PABPC4L: variants seen among roughly 807,000 people sequenced by gnomAD.
PABPC4L encodes poly(A) binding protein cytoplasmic 4 like.
For synonymous variants in PABPC4L, 169 were observed against 164.1 expected (o/e 1.03, Z -0.23); for missense variants, 452 against 451.4 (o/e 1.00, Z -0.01).
chr4:134,107,638 T>C, the PABPC4L span, among the ~76,000 whole-genome samples: 2 of 151,628 alleles, frequency 1.3e-5, no homozygotes, highest in African/African-American at 4.8e-5. Flanking sequence ...ATAGAACCTA[T>C]CTAACTTCTG....
the PABPC4L span, among the ~76,000 whole-genome samples, chr4:134,014,942 G>T: frequency 6.6e-6 from 1 of 151,882 alleles, no homozygotes; most frequent in Admixed American, 6.6e-5. Flanking sequence ...ATTAGGCTGA[G>T]ACACTTTATC....
At chr4:133,971,557 A>G in the PABPC4L span, among the ~76,000 whole-genome samples, 1 of 152,160 alleles carries the variant, frequency 6.6e-6, no homozygotes, top group Non-Finnish European at 1.5e-5. Flanking sequence ...CAATGCAGCC[A>G]AAGTAATTTT....
At chr4:134,078,598 CATTA>C in the PABPC4L span, among the ~76,000 whole-genome samples, 1 of 150,360 alleles carries the variant, frequency 6.7e-6, no homozygotes, top group Non-Finnish European at 1.5e-5. Flanking sequence ...GGAAAATACT[CATTA>C]TAGTCCTAGA....
the PABPC4L span, among the ~76,000 whole-genome samples, chr4:134,105,172 C>A: frequency 6.6e-6 from 1 of 151,488 alleles, no homozygotes; most frequent in Non-Finnish European, 1.5e-5. Context: ...TAGTGAAAAT[C>A]AAATGCAAAT....
the PABPC4L span, among the ~76,000 whole-genome samples, chr4:134,162,328 T>C: frequency 1.3e-5 from 2 of 152,058 alleles, no homozygotes; most frequent in Non-Finnish European, 2.9e-5. Flanking sequence ...ATCCTAAATA[T>C]ATATGCACCT....
the PABPC4L span, among the ~76,000 whole-genome samples, chr4:134,095,082 G>A: frequency 2.6e-5 from 4 of 151,692 alleles, no homozygotes; most frequent in Admixed American, 2.6e-4. Context: ...TTACAGAACA[G>A]ATTGTTCTTA....
At chr4:134,084,413 T>G in the PABPC4L span, among the ~76,000 whole-genome samples, 1 of 152,304 alleles carries the variant, frequency 6.6e-6, no homozygotes, top group African/African-American at 2.4e-5. Context: ...GTTTCCTACT[T>G]TATTTGATCT....
At chr4:134,015,966 ACT>A in the PABPC4L span, among the ~76,000 whole-genome samples, 3 of 151,162 alleles carry the variant, frequency 2.0e-5, no homozygotes, top group African/African-American at 7.3e-5. Context: ...AGCTGTACTC[ACT>A]CTTTGTTGAG....
In PABPC4L at chr4:134,200,345, G is replaced by A. The variant is rs72944871; in HGVS notation, c.675C>T (p.Ser225=). 3.6e-5 allele frequency: 57 copies of A among 1,594,814 alleles called. No homozygotes were observed. In the African/African-American group the frequency reaches 6.2e-4, roughly 17 times the overall value. Residue 225 remains serine (S), a synonymous_variant, in exon 2 of 2, where the codon TCC becomes TCT. Transcript: ENST00000421491. The stretch of plus-strand genomic sequence containing the variant: ...AGCCAAAGCCTTTGGATTTCCCACT[G>A]GAATCTGTCATCACCTTAACACTCA... ...KTLSVKVMTD[S]SGKSKGFGFV... is the part of the protein sequence containing the mutation.
At position 134,197,141 on chromosome 4, in the gene PABPC4L, T is replaced by C. The variant is rs1729684698; in HGVS notation, c.*2766A>G. The C allele has an allele frequency of 4.0e-5, 6 of 151,778 alleles. No individual in the cohort carries two copies. The highest frequency in any genetic ancestry group is 3.9e-4 in the Admixed American group (6 of 15,238). 9.4% of individuals were successfully genotyped at this position (151,778 alleles called of 1,614,324 possible). ...TGTCTGGTAAACCTTTTTAACAACT[T>C]TCTGCTTCTGATACATGTTTTGGTA... is the stretch of plus-strand genomic sequence containing the variant. On this transcript the variant is annotated 3_prime_UTR_variant, in exon 2 of 2. Coordinates refer to ENST00000421491, the MANE Select transcript of PABPC4L (RefSeq NM_001114734.2).
chr4:134,176,156 C>T, the PABPC4L span, among the ~76,000 whole-genome samples: 3 of 152,058 alleles, frequency 2.0e-5, no homozygotes, highest in Admixed American at 6.6e-5. Flanking sequence ...GTTAATTATT[C>T]TCTTAAATAC....
At chr4:134,063,531 G>T in the PABPC4L span, among the ~76,000 whole-genome samples, 1 of 151,904 alleles carries the variant, frequency 6.6e-6, no homozygotes, top group Non-Finnish European at 1.5e-5. Context: ...AAAGTAACAA[G>T]ATTTGAAATA....
chr4:133,963,858 C>T, the PABPC4L span, among the ~76,000 whole-genome samples: 7 of 152,036 alleles, frequency 4.6e-5, no homozygotes, highest in Admixed American at 4.6e-4. Context: ...GCCCTAAACA[C>T]CTACATCAAA....
At chr4:134,017,026 T>C in the PABPC4L span, among the ~76,000 whole-genome samples, 1 of 152,138 alleles carries the variant, frequency 6.6e-6, no homozygotes, top group African/African-American at 2.4e-5. Context: ...ATTTCTTCCC[T>C]TCTGTCAGAC....
chr4:134,068,428 A>G, the PABPC4L span, among the ~76,000 whole-genome samples: 8 of 152,096 alleles, frequency 5.3e-5, no homozygotes, highest in Admixed American at 5.2e-4. Flanking sequence ...CATGGGAAAC[A>G]GGTCTCTTGA....
At chr4:133,961,553 C>T in the PABPC4L span, among the ~76,000 whole-genome samples, 2 of 152,146 alleles carry the variant, frequency 1.3e-5, no homozygotes, top group African/African-American at 2.4e-5. Context: ...GGGGGAGGGA[C>T]AATGGTCAGG....
At chr4:134,035,686 T>A in the PABPC4L span, among the ~76,000 whole-genome samples, 1 of 152,000 alleles carries the variant, frequency 6.6e-6, no homozygotes, top group African/African-American at 2.4e-5. Context: ...AAAGTATCAC[T>A]ATACTAATGT....
the PABPC4L span, among the ~76,000 whole-genome samples, chr4:133,984,647 A>G: frequency 6.6e-6 from 1 of 151,928 alleles, no homozygotes; most frequent in African/African-American, 2.4e-5. Context: ...TTGGGCCAGT[A>G]GGTGTGACAT....
the PABPC4L span, among the ~76,000 whole-genome samples, chr4:133,956,231 G>A: frequency 4.6e-5 from 7 of 152,154 alleles, no homozygotes; most frequent in Admixed American, 4.6e-4. Flanking sequence ...TTTTATAAGT[G>A]AGGGACACTA....
Sources: gnomAD v4.1 joint callset for allele counts (sites outside exome capture counted in the v4.1 genomes callset) on GRCh38, gnomAD v4.1.1 for gene constraint, MANE v1.5 for transcripts, NCBI Gene and HGNC (gene_info 2026-07-23, HGNC 2026-07-21) for gene names.